Variants in EEIG1 observed in about 807,000 individuals in gnomAD.
EEIG1 encodes early estrogen-induced gene 1 protein.
At chr9:127,964,714 T>C in the EEIG1 span, among the ~76,000 whole-genome samples, 2 of 152,174 alleles carry the variant, frequency 1.3e-5, no homozygotes, top group Non-Finnish European at 2.9e-5. Flanking sequence ...TCACCTCCAC[T>C]GGGTGCCCAG....
chr9:127,945,521 G>C, the EEIG1 span: 2 of 1,569,482 alleles, frequency 1.3e-6, no homozygotes, highest in Admixed American at 3.7e-5. The surrounding 1 kb of genome is among the most constrained non-coding windows in gnomAD (Gnocchi z 6.5). Flanking sequence ...CGGTGCGTCA[G>C]GTCTGAGAGG....
chr9:127,959,268 T>C, the EEIG1 span, among the ~76,000 whole-genome samples: 2 of 152,156 alleles, frequency 1.3e-5, no homozygotes, highest in Admixed American at 6.5e-5. Context: ...AACTGGTAAA[T>C]GGACAAATAA....
At chr9:127,946,660 G>T in the EEIG1 span, among the ~76,000 whole-genome samples, 1 of 152,240 alleles carries the variant, frequency 6.6e-6, no homozygotes, top group African/African-American at 2.4e-5. Flanking sequence ...TCTCTTCTGG[G>T]GAACCCCATC....
At chr9:127,949,418 G>A in the EEIG1 span, among the ~76,000 whole-genome samples, 2 of 152,078 alleles carry the variant, frequency 1.3e-5, no homozygotes, top group African/African-American at 4.8e-5. Flanking sequence ...CTGTTGATGA[G>A]GGAACCAAGA....
the EEIG1 span, among the ~76,000 whole-genome samples, chr9:127,968,844 A>G: frequency 6.6e-6 from 1 of 152,206 alleles, no homozygotes; most frequent in Non-Finnish European, 1.5e-5. Context: ...GCTAAGCATC[A>G]GGCTGGAGTG....
At chr9:127,946,189 AG>A in the EEIG1 span, among the ~76,000 whole-genome samples, 2 of 152,194 alleles carry the variant, frequency 1.3e-5, no homozygotes, top group African/African-American at 4.8e-5. Flanking sequence ...AGGGCTTTCC[AG>A]GCACAGAGAA....
At chr9:127,953,370 T>C in the EEIG1 span, 2 of 595,774 alleles carry the variant, frequency 3.4e-6, no homozygotes, top group Non-Finnish European at 6.0e-6. Flanking sequence ...TGTGGACTTC[T>C]GTACCATTTA....
At chr9:127,980,020 C>T in the EEIG1 span, 1 of 1,613,522 alleles carries the variant, frequency 6.2e-7, no homozygotes, top group Non-Finnish European at 8.5e-7. Context: ...AAATCCCCTC[C>T]ATCCAGCAGC....
chr9:127,973,672 G>A, the EEIG1 span, among the ~76,000 whole-genome samples: 4 of 152,220 alleles, frequency 2.6e-5, no homozygotes, highest in Admixed American at 6.5e-5. This position sits in a 1 kb window ranked among gnomAD's most constrained non-coding sequence, Gnocchi z 4.2. Context: ...CTGACCTCGC[G>A]GAACCAGCAG....
At chr9:127,944,936 G>C in the EEIG1 span, 1 of 1,597,736 alleles carries the variant, frequency 6.3e-7, no homozygotes, top group Non-Finnish European at 8.5e-7. Context: ...ACAACGGTCA[G>C]GGCAGTAACA....
the EEIG1 span, among the ~76,000 whole-genome samples, chr9:127,962,122 TG>T: frequency 6.6e-6 from 1 of 152,066 alleles, no homozygotes; most frequent in African/African-American, 2.4e-5. Context: ...CAGGGTGGGA[TG>T]GCCCCATCAG....
chr9:127,944,557 T>G, the EEIG1 span: 1 of 1,270,594 alleles, frequency 7.9e-7, no homozygotes, highest in Non-Finnish European at 1.1e-6. Context: ...CTGTGGGGAC[T>G]CTGCTCTCAC....
chr9:127,945,446 C>A, the EEIG1 span: 1 of 1,563,586 alleles, frequency 6.4e-7, no homozygotes, highest in East Asian at 2.4e-5. This position sits in a 1 kb window ranked among gnomAD's most constrained non-coding sequence, Gnocchi z 6.5. Context: ...CGCTCACTGC[C>A]CTCAGGGCCC....
the EEIG1 span, among the ~76,000 whole-genome samples, chr9:127,969,892 C>G: frequency 0.013 from 1,948 of 152,212 alleles, 18 homozygotes; most frequent in South Asian, 0.033. Flanking sequence ...AGGCATCCAC[C>G]CAGCACCACC....
chr9:127,944,668 C>T, the EEIG1 span: 3 of 1,612,744 alleles, frequency 1.9e-6, no homozygotes, highest in South Asian at 2.2e-5. Flanking sequence ...GGCTCACGAA[C>T]AGCCGGAGGT....
At chr9:127,968,432 T>C in the EEIG1 span, among the ~76,000 whole-genome samples, 5 of 152,158 alleles carry the variant, frequency 3.3e-5, no homozygotes, top group Non-Finnish European at 7.4e-5. Context: ...GTGGAGGTCC[T>C]GGAGGAAGGG....
At chr9:127,950,329 T>C in the EEIG1 span, 15 of 1,337,752 alleles carry the variant, frequency 1.1e-5, no homozygotes, top group South Asian at 1.6e-4. Flanking sequence ...AAGGCCTGTA[T>C]TTTTAACAAC....
At chr9:127,950,546 G>C in the EEIG1 span, 1 of 1,613,532 alleles carries the variant, frequency 6.2e-7, no homozygotes, top group East Asian at 2.2e-5. Flanking sequence ...CCAGCTAGGA[G>C]GTGAGAGGAG....
chr9:127,948,194 G>A, the EEIG1 span: 2 of 1,614,078 alleles, frequency 1.2e-6, no homozygotes, highest in Non-Finnish European at 1.7e-6. Flanking sequence ...TCCTGGCCTG[G>A]GATGGAGATG....
Sources: allele counts gnomAD v4.1 joint callset (sites outside exome capture counted in the v4.1 genomes callset), GRCh38; gene constraint gnomAD v4.1.1; non-coding constraint Gnocchi (gnomAD v3.1); transcripts MANE v1.5; gene names NCBI Gene and HGNC (gene_info 2026-07-23, HGNC 2026-07-21).